ZC3H3: variants seen among roughly 807,000 people sequenced by gnomAD.
The protein encoded by ZC3H3 is zinc finger CCCH-type containing 3.
ZC3H3 carries 36 observed loss-of-function variants against 77.3 expected under a neutral mutation model. The observed-to-expected ratio is 0.47, with a 90% CI of 0.36 to 0.61. ZC3H3 has a LOEUF of 0.61. Among genes scored for constraint, ZC3H3 ranks in the 20% least tolerant of loss-of-function variants. The pLI, the probability that ZC3H3 is intolerant of heterozygous loss-of-function variation, is 0.00. For synonymous variants in ZC3H3, 626 were observed against 555.2 expected, an observed-to-expected ratio of 1.13 and a Z score of -1.79; for missense variants, 1,331 against 1,312.2, an observed-to-expected ratio of 1.01 and a Z score of -0.22.
Position 143,538,647 on chromosome 8 carries a change from G to A in ZC3H3, c.720C>T (p.Gly240=), listed in dbSNP as rs1250111796. 19 of 1,608,456 alleles carry A rather than the reference G, an allele frequency of 1.2e-5. No homozygotes were observed. The highest frequency in any genetic ancestry group is 6.7e-5 in the East Asian group (3 of 44,890). The part of the protein sequence containing the change: ...FPSSALPPRT[G]VALGRKLGSH... The stretch of plus-strand genomic sequence containing the variant: ...AACCCAGCTTCCGGCCCAGGGCCAC[G>A]CCAGTGCGTGGGGGCAGAGCGGAGG... The change falls in exon 2 of 12, where the codon GGC becomes GGT. Residue 240 remains glycine, a synonymous_variant. Transcript: ENST00000262577.
intron 3 of ZC3H3, among the ~76,000 whole-genome samples, chr8:143,525,591 A>T (rs1292350770): frequency 6.6e-6 from 1 of 152,154 alleles, no homozygotes; most frequent in Non-Finnish European, 1.5e-5. Context: ...CCCTGCTCCC[A>T]TGAGGACACG....
intron 3 of ZC3H3, among the ~76,000 whole-genome samples, chr8:143,535,202 C>T (rs1384050870): frequency 6.6e-6 from 1 of 152,150 alleles, no homozygotes; most frequent in African/African-American, 2.4e-5. Context: ...CCATGCCCAG[C>T]TAATTTTTGT....
At chr8:143,514,516 G>C (rs1821970614) in intron 3 of ZC3H3, among the ~76,000 whole-genome samples, 1 of 152,234 alleles carries the variant, frequency 6.6e-6, no homozygotes. Context: ...ACATGCACAC[G>C]GTGGGCGGTG....
At chr8:143,523,463 T>C in intron 3 of ZC3H3, 1 of 985,384 alleles carries the variant, frequency 1.0e-6, no homozygotes, top group Non-Finnish European at 1.2e-6. Context: ...GCAGCCATCT[T>C]GGAAGACACT....
At chr8:143,540,154 T>G (rs998869598) in intron 1 of ZC3H3, among the ~76,000 whole-genome samples, 1 of 152,252 alleles carries the variant, frequency 6.6e-6, no homozygotes, top group South Asian at 2.1e-4. Flanking sequence ...CATACACACT[T>G]TCCCAATCCT....
chr8:143,518,943 C>G (rs1206587935), intron 3 of ZC3H3, among the ~76,000 whole-genome samples: 1 of 152,238 alleles, frequency 6.6e-6, no homozygotes, highest in African/African-American at 2.4e-5. Context: ...CCCATCCCCT[C>G]TCCTCTGGAT....
intron 3 of ZC3H3, among the ~76,000 whole-genome samples, chr8:143,529,896 A>G (rs1414513069): frequency 3.3e-5 from 5 of 152,202 alleles, no homozygotes; most frequent in African/African-American, 1.2e-4. Flanking sequence ...CCCAGGCAGG[A>G]CAGCCCTGGC....
chr8:143,497,581 G>A (rs914176015), intron 4 of ZC3H3, among the ~76,000 whole-genome samples: 1 of 152,224 alleles, frequency 6.6e-6, no homozygotes, highest in Non-Finnish European at 1.5e-5. Flanking sequence ...GCACCCACCG[G>A]TAGGCCAAGG....
At chr8:143,513,333 G>A (rs1183132607) in intron 3 of ZC3H3, among the ~76,000 whole-genome samples, 1 of 152,164 alleles carries the variant, frequency 6.6e-6, no homozygotes. Flanking sequence ...GGAGCCCCAG[G>A]GAACGAGGCA....
intron 4 of ZC3H3, among the ~76,000 whole-genome samples, chr8:143,497,434 A>T (rs1485871322): frequency 6.6e-6 from 1 of 151,936 alleles, no homozygotes; most frequent in Non-Finnish European, 1.5e-5. Context: ...AGGTGCAGCC[A>T]TAAAGCCAGG....
intron 5 of ZC3H3, among the ~76,000 whole-genome samples, chr8:143,473,500 G>A (rs1261929088): frequency 6.6e-6 from 1 of 152,192 alleles, no homozygotes; most frequent in African/African-American, 2.4e-5. Context: ...TCCCACCCAG[G>A]CAGGCAGGTG....
intron 3 of ZC3H3, among the ~76,000 whole-genome samples, chr8:143,519,022 C>T (rs984633921): frequency 6.6e-6 from 1 of 152,244 alleles, no homozygotes; most frequent in African/African-American, 2.4e-5. Context: ...ATCCCCAGTG[C>T]ACAGTGAGCG....
intron 9 of ZC3H3, among the ~76,000 whole-genome samples, chr8:143,464,939 G>T (rs933518604): frequency 5.3e-5 from 8 of 150,536 alleles, no homozygotes; most frequent in African/African-American, 2.0e-4. Context: ...GAGGGGGCTT[G>T]TACCCGGGAC....
At chr8:143,522,185 G>A (rs1338292173) in intron 3 of ZC3H3, among the ~76,000 whole-genome samples, 1 of 152,210 alleles carries the variant, frequency 6.6e-6, no homozygotes, top group Non-Finnish European at 1.5e-5. Context: ...CTGGCTCACT[G>A]CAAACGTCAT....
intron 3 of ZC3H3, among the ~76,000 whole-genome samples, chr8:143,515,302 C>T (rs7846152): frequency 0.32 from 49,435 of 152,268 alleles, 8,631 homozygotes; most frequent in East Asian, 0.56. Context: ...TGCAACGCCT[C>T]GGCCCTCCAT....
intron 3 of ZC3H3, among the ~76,000 whole-genome samples, chr8:143,513,054 T>C (rs369961920): frequency 1.6e-5 from 2 of 122,546 alleles, no homozygotes; most frequent in Admixed American, 1.7e-4. Context: ...CCAGGCGCTG[T>C]GGGGAAGTCG....
At chr8:143,497,729 C>A (rs539057642) in intron 4 of ZC3H3, among the ~76,000 whole-genome samples, 1 of 152,354 alleles carries the variant, frequency 6.6e-6, no homozygotes, top group South Asian at 2.1e-4. Flanking sequence ...GGAGCTGAAC[C>A]AGGGCCGTCG....
intron 4 of ZC3H3, among the ~76,000 whole-genome samples, chr8:143,486,470 A>G (rs982792422): frequency 6.6e-6 from 1 of 152,228 alleles, no homozygotes; most frequent in Non-Finnish European, 1.5e-5. Context: ...TTGTAAGGAC[A>G]TTAGTCCTAG....
Position 143,541,435 on chromosome 8 carries a change from G to C in ZC3H3, c.-14C>G, listed in dbSNP as rs760594196. The stretch of plus-strand genomic sequence containing the variant: ...CTTTTCCTCCATCTCCCGAGTCCGC[G>C]ACGGCCGGCCAGGCCCCCACGACGT... On this transcript the variant is annotated 5_prime_UTR_variant, in exon 1 of 12. Transcript: ENST00000262577. The C allele has an allele frequency of 6.8e-6, 11 of 1,611,524 alleles. No homozygotes were observed. The East Asian group carries it at 2.2e-4, about 33-fold the overall frequency.
Sources: gnomAD v4.1 joint callset for allele counts (sites outside exome capture counted in the v4.1 genomes callset) on GRCh38, gnomAD v4.1.1 for gene constraint, MANE v1.5 for transcripts, NCBI Gene and HGNC (gene_info 2026-07-23, HGNC 2026-07-21) for gene names.